The following NOMO1 variants were observed in gnomAD, a reference collection of about 807,000 sequenced individuals.
The protein encoded by NOMO1 is nodal modulator 3.
A neutral mutation model predicts 133.8 loss-of-function variants in NOMO1; 40 were observed. The observed-to-expected ratio is 0.30, with a 90% CI of 0.23 to 0.39. The LOEUF (loss-of-function observed/expected upper bound fraction) is 0.39. NOMO1 is among the 10% of genes least tolerant of loss of function. NOMO1 has a pLI of 1.00. For synonymous variants in NOMO1, 236 were observed against 570.5 expected, an observed-to-expected ratio of 0.41 and a Z score of 8.36; for missense variants, 462 against 1,419.9, an observed-to-expected ratio of 0.33 and a Z score of 10.84.
In NOMO1 at chr16:14,881,439, A is replaced by C. The variant is rs368266884; in HGVS notation, c.2886-105A>C. On this transcript the variant is annotated intron_variant, in intron 24 of 30. Coordinates refer to ENST00000287667, the MANE Select transcript of NOMO1 (RefSeq NM_014287.4). ...TTGCCTGGGTCATTGAGGCACAGTT[A>C]TCCCCTGAACTATTTTGCCCCATAA... The C allele has an allele frequency of 2.4e-4, 391 of 1,610,056 alleles. 4 individuals carry two copies. The highest frequency in any genetic ancestry group is 1.1e-3 in the African/African-American group (85 of 74,690).
At chr16:14,866,804 T>C in intron 15 of NOMO1, 113 bp downstream of exon 15, 1 of 1,604,828 alleles carries the variant, frequency 6.2e-7, no homozygotes. Flanking sequence ...TTTCCTTTTC[T>C]GCCTCTCCAC....
chr16:14,856,053 C>G (rs1205002174), intron 9 of NOMO1, among the ~76,000 whole-genome samples: 1 of 152,078 alleles, frequency 6.6e-6, no homozygotes, highest in Non-Finnish European at 1.5e-5. Context: ...AGCTTCATCT[C>G]AAATGCTGTT....
Position 14,880,357 on chromosome 16 carries a change from C to A in NOMO1, c.2885+215C>A, listed in dbSNP as rs1025431371. ...CTCAAATTTCCTATTTTGGAATTGG[C>A]TTGAGAGAGCCTATTGAGTTGCTAA... On this transcript the variant is annotated intron_variant, in intron 24 of 30. Transcript: ENST00000287667. Among the ~76,000 whole-genome samples, 52 of 150,950 alleles carry A rather than the reference C, an allele frequency of 3.4e-4. 1 individual carries two copies. The highest frequency in any genetic ancestry group is 1.2e-3 in the African/African-American group (49 of 40,754).
intron 29 of NOMO1, among the ~76,000 whole-genome samples, chr16:14,894,364 T>C (rs1964449731): frequency 6.6e-6 from 1 of 152,112 alleles, no homozygotes; most frequent in Non-Finnish European, 1.5e-5. Context: ...CCGCTTCTGT[T>C]CCTGTACCAT....
At chr16:14,878,085 G>C (rs1321080841) in intron 22 of NOMO1, among the ~76,000 whole-genome samples, 1 of 151,806 alleles carries the variant, frequency 6.6e-6, no homozygotes, top group Non-Finnish European at 1.5e-5. Context: ...TTGAGGAAGA[G>C]AGCAAGAACT....
At chr16:14,845,061 G>A (rs1356774253) in intron 4 of NOMO1, among the ~76,000 whole-genome samples, 1 of 151,728 alleles carries the variant, frequency 6.6e-6, no homozygotes, top group South Asian at 2.1e-4. Context: ...TTGCTCTGTT[G>A]CCCAGGCTGG....
At chr16:14,857,472 C>T (rs1423434460) in intron 10 of NOMO1, 33 bp from the exon 11 acceptor site, 1 of 1,607,390 alleles carries the variant, frequency 6.2e-7, no homozygotes, top group African/African-American at 1.4e-5. Context: ...TTGTTTTTGG[C>T]TTATCTTCTG....
rs1249724381 is a variant in NOMO1, at chr16:14,840,546, C to T, written c.256-816C>T. ...AGGTTGCAGTGAGCCAAGATCGCAC[C>T]ACTTCACTCCAGCCTGGGCAACAGA... is the stretch of plus-strand genomic sequence containing the variant. On this transcript the variant is annotated intron_variant, in intron 2 of 30. Coordinates refer to ENST00000287667, the MANE Select transcript of NOMO1 (RefSeq NM_014287.4). Among the ~76,000 whole-genome samples the T allele has an allele frequency of 1.6e-3, 218 of 138,540 alleles. 2 individuals are homozygous for T. The highest frequency in any genetic ancestry group is 1.8e-3 in the Non-Finnish European group (116 of 64,030). The allele number at this position is 138,540 out of a possible 152,430, so 90.9% of individuals were successfully genotyped here.
At chr16:14,843,715 T>TTGTGTGTGTGTGTG (rs59391735) in intron 3 of NOMO1, among the ~76,000 whole-genome samples, 1 of 125,932 alleles carries the variant, frequency 7.9e-6, no homozygotes, top group Non-Finnish European at 1.7e-5. Context: ...ATTGGAGTCT[T>TTGTGTGTGTGTGTG]TGTGTGTGTG....
chr16:14,857,713 A>T (rs1350519242), intron 11 of NOMO1, 58 bp downstream of exon 11: 2 of 1,610,684 alleles, frequency 1.2e-6, no homozygotes, highest in African/African-American at 2.7e-5. Context: ...CCAGTGTAGA[A>T]CCGAATGACC....
At position 14,843,619 on chromosome 16, in the gene NOMO1, A is replaced by G. The variant is rs116541443; in HGVS notation, c.302-1055A>G. 9.1e-3 allele frequency among the ~76,000 whole-genome samples: 1,377 copies of G among 151,908 alleles called. 33 individuals are homozygous for G. Among genetic ancestry groups the G allele is most frequent in the African/African-American group, 0.03 (1,256 of 41,324 alleles). ...TTCCACTGATGGAATGTAAATGAAA[A>G]TTCCACTTTTTTGTATGTTTATGTT... On this transcript the variant is annotated intron_variant, in intron 3 of 30. Transcript: ENST00000287667.
intron 22 of NOMO1, among the ~76,000 whole-genome samples, chr16:14,877,940 G>A (rs1964184954): frequency 1.5e-5 from 2 of 129,882 alleles, no homozygotes; most frequent in South Asian, 5.8e-4. Context: ...TACATATTTG[G>A]GGATATTCCA....
At position 14,878,733 on chromosome 16, in the gene NOMO1, G is replaced by A. The variant is rs1356714048; in HGVS notation, c.2656G>A (p.Asp886Asn). 6.8e-6 allele frequency: 11 copies of A among 1,611,674 alleles called. No individual in the cohort carries two copies. The highest frequency in any genetic ancestry group is 8.5e-6 in the Non-Finnish European group (10 of 1,179,822). ...TTCTCATCCCCAGATAAAAGCTGAG[G>A]ATGACCAGCCCCTCCCGGGAGTCCT... ...AGVSFEIKAE[D>N]DQPLPGVLLS... The change falls in exon 23 of 31, where the codon GAT becomes AAT. Residue 886 changes from aspartate (D) to asparagine (N), a missense_variant. Coordinates refer to ENST00000287667, the MANE Select transcript of NOMO1 (RefSeq NM_014287.4).
chr16:14,848,278 AGTCT>A, intron 5 of NOMO1, among the ~76,000 whole-genome samples: 1 of 140,234 alleles, frequency 7.1e-6, no homozygotes, highest in African/African-American at 2.8e-5. Flanking sequence ...CTCTGGTGTT[AGTCT>A]GTCTATGGCT....
intron 5 of NOMO1, among the ~76,000 whole-genome samples, chr16:14,847,048 T>C (rs2151893942): frequency 6.6e-6 from 1 of 151,044 alleles, no homozygotes; most frequent in South Asian, 2.1e-4. Context: ...TAAAAAATTA[T>C]ATCAAGTAGA....
At chr16:14,838,667 G>C (rs1018714721) in intron 2 of NOMO1, among the ~76,000 whole-genome samples, 171 bp downstream of exon 2, 3 of 151,944 alleles carry the variant, frequency 2.0e-5, no homozygotes, top group Admixed American at 2.0e-4. Flanking sequence ...AAACTGCCTT[G>C]ACGAATACAG....
At chr16:14,864,774 C>T (rs1188447070) in intron 13 of NOMO1, 48 bp downstream of exon 13, 1 of 1,613,352 alleles carries the variant, frequency 6.2e-7, no homozygotes, top group Admixed American at 1.7e-5. Flanking sequence ...AAGAAGTCAG[C>T]CGGTAGGAGT....
At position 14,881,609 on chromosome 16, in the gene NOMO1, G is replaced by C; in HGVS notation, c.2951G>C (p.Gly984Ala). 6.2e-7 allele frequency: 1 copy of C among 1,610,468 alleles called. No homozygotes were observed. Among genetic ancestry groups the C allele is most frequent in the Admixed American group, 1.7e-5 (1 of 59,914 alleles). ...PEQGVAMEAV[G>A]QNDCSIYGED... is the part of the protein sequence containing the mutation. ...CAAGGGGTTGCCATGGAAGCGGTGG[G>C]CCAGAACGACTGCAGCATTTACGGA... Residue 984 changes from glycine (G) to alanine (A), a missense_variant, in exon 25 of 31, where the codon GGC (glycine) becomes GCC (alanine). Coordinates refer to ENST00000287667, the MANE Select transcript of NOMO1 (RefSeq NM_014287.4).
In NOMO1 at chr16:14,853,615, C is replaced by T; in HGVS notation, c.873+11C>T. The T allele has an allele frequency of 6.2e-7, 1 of 1,611,518 alleles. No homozygotes were observed. Among genetic ancestry groups the T allele is most frequent in the South Asian group, 1.1e-5 (1 of 90,938 alleles). On this transcript the variant is annotated intron_variant, in intron 8 of 30. Transcript: ENST00000287667. ...GGGGGCTACACTGTGGTGAGTAAAG[C>T]AGATTTCCGTTCTGTTTATGTCTGA...
Sources: gnomAD v4.1 joint callset for allele counts (sites outside exome capture counted in the v4.1 genomes callset) on GRCh38, gnomAD v4.1.1 for gene constraint, MANE v1.5 for transcripts, NCBI Gene and HGNC (gene_info 2026-07-23, HGNC 2026-07-21) for gene names.